STARD13: variants seen among roughly 807,000 people sequenced by gnomAD.
The protein encoded by STARD13 is stAR-related lipid transfer protein 13.
A neutral mutation model predicts 106.4 loss-of-function variants in STARD13; 62 were observed. The observed-to-expected ratio is 0.58, with a 90% CI of 0.48 to 0.72. STARD13 has a LOEUF of 0.72. STARD13 is among the 30% of genes least tolerant of loss of function. STARD13 has a pLI of 0.00. For missense variants in STARD13, 1,387 were observed against 1,424.0 expected, an observed-to-expected ratio of 0.97 and a Z score of 0.42; for synonymous variants, 565 against 553.0, an observed-to-expected ratio of 1.02 and a Z score of -0.31.
the STARD13 span, among the ~76,000 whole-genome samples, chr13:33,464,849 T>A: frequency 6.6e-6 from 1 of 151,964 alleles, no homozygotes; most frequent in East Asian, 1.9e-4. Context: ...AAAAAAAAAT[T>A]GTTGAACGCC....
intron 1 of STARD13, among the ~76,000 whole-genome samples, chr13:33,241,954 G>A (rs1320528597): frequency 2.6e-5 from 4 of 152,188 alleles, no homozygotes; most frequent in African/African-American, 9.7e-5. Flanking sequence ...CCTCTGTCCG[G>A]CCGCCACCCC....
the STARD13 span, among the ~76,000 whole-genome samples, chr13:33,376,228 T>C: frequency 6.6e-6 from 1 of 152,182 alleles, no homozygotes; most frequent in East Asian, 1.9e-4. Flanking sequence ...GATGAAGTGA[T>C]AGTCATTCAT....
the STARD13 span, among the ~76,000 whole-genome samples, chr13:33,480,626 G>A: frequency 1.3e-5 from 2 of 152,064 alleles, no homozygotes; most frequent in Non-Finnish European, 2.9e-5. Flanking sequence ...GTACACTGTA[G>A]TACTAAATTT....
At position 33,185,939 on chromosome 13, in the gene STARD13, G is replaced by C. The variant is rs778677497; in HGVS notation, c.170-18317C>G. ...GTTTCCCACCACAGACAGTGTCTTT[G>C]CATTCTCTGCACCAGCGCAGCACCA... is the stretch of plus-strand genomic sequence containing the variant. On this transcript the variant is annotated intron_variant, in intron 1 of 13. Transcript: ENST00000336934. 6 of 1,614,208 alleles carry C rather than the reference G, an allele frequency of 3.7e-6. No homozygotes were observed. The South Asian group carries it at 6.6e-5, about 18-fold the overall frequency.
the STARD13 span, among the ~76,000 whole-genome samples, chr13:33,646,010 G>A: frequency 6.6e-6 from 1 of 151,050 alleles, no homozygotes; most frequent in Admixed American, 6.6e-5. Context: ...CACGGACACA[G>A]GCTATTGTCA....
At chr13:33,561,321 A>T in the STARD13 span, among the ~76,000 whole-genome samples, 1 of 151,542 alleles carries the variant, frequency 6.6e-6, no homozygotes, top group Non-Finnish European at 1.5e-5. Context: ...TTATGGTCAC[A>T]CTAATAAAAA....
rs369187747 is a variant in STARD13 at position 33,212,034 on chromosome 13, TAAAC to T, written c.170-44416_170-44413del. 4.8e-3 allele frequency among the ~76,000 whole-genome samples: 731 copies of T among 152,258 alleles called. 7 individuals are homozygous for T. The highest frequency in any genetic ancestry group is 0.017 in the African/African-American group (701 of 41,554). ...ACAATATGTCTTGGAGATTTTCAAA[TAAAC>T]AAATAAGAAAGCTAATAACAAATTA... On this transcript the variant is annotated intron_variant, in intron 1 of 13. Coordinates refer to ENST00000336934, the MANE Select transcript of STARD13 (RefSeq NM_178006.4).
At chr13:33,429,363 G>A in the STARD13 span, among the ~76,000 whole-genome samples, 3 of 152,238 alleles carry the variant, frequency 2.0e-5, no homozygotes, top group South Asian at 2.1e-4. Flanking sequence ...TTGGGAGGCC[G>A]AGGCGGGCGG....
intron 1 of STARD13, among the ~76,000 whole-genome samples, chr13:33,271,763 G>A (rs1438379764): frequency 6.6e-6 from 1 of 151,998 alleles, no homozygotes; most frequent in Non-Finnish European, 1.5e-5. Context: ...CCAGCAACAT[G>A]AGGGGTTGGT....
intron 3 of STARD13, among the ~76,000 whole-genome samples, chr13:33,145,422 T>C (rs1880390453): frequency 6.6e-6 from 1 of 152,222 alleles, no homozygotes. Context: ...AGTTTGGCAG[T>C]CTCTTATGAA....
the STARD13 span, among the ~76,000 whole-genome samples, chr13:33,385,268 A>C: frequency 8.8e-6 from 1 of 113,604 alleles, no homozygotes; most frequent in African/African-American, 3.0e-5. Context: ...TGTAGAAAAC[A>C]GAAAGGGAAA....
chr13:33,439,758 A>C, the STARD13 span: 10 of 1,086,748 alleles, frequency 9.2e-6, no homozygotes, highest in South Asian at 5.4e-5. Flanking sequence ...TAATATCTCA[A>C]AATTATACCA....
chr13:33,441,347 T>C, the STARD13 span, among the ~76,000 whole-genome samples: 10 of 152,226 alleles, frequency 6.6e-5, no homozygotes, highest in Non-Finnish European at 1.3e-4. Context: ...AAAATCAATG[T>C]GATCACTTCA....
At chr13:33,269,649 A>C (rs1392877770) in intron 1 of STARD13, among the ~76,000 whole-genome samples, 1 of 152,362 alleles carries the variant, frequency 6.6e-6, no homozygotes, top group African/African-American at 2.4e-5. Flanking sequence ...AGAGTCCCTC[A>C]GTCTATGGCA....
chr13:33,285,512 G>A lies in STARD13; in HGVS notation c.127C>T (p.Arg43Trp), dbSNP rs1443252875. 1.2e-6 allele frequency: 2 copies of A among 1,613,854 alleles called. No individual in the cohort carries two copies. Among genetic ancestry groups the A allele is most frequent in the African/African-American group, 1.3e-5 (1 of 74,906 alleles). ...TTRRSPYRMS[R>W]ILARHQLVTK... ...ACTAGCTGATGGCGTGCTAGAATCC[G>A]GCTCATCCTGTAAGGAGAGCGTCTT... The change falls in exon 1 of 14, where the codon CGG (arginine) becomes TGG (tryptophan). Residue 43 changes from arginine to tryptophan, a missense_variant. Arg to Trp is a moderately radical substitution (Grantham distance 101). Transcript: ENST00000336934.
chr13:33,580,871 C>T, the STARD13 span, among the ~76,000 whole-genome samples: 2 of 151,852 alleles, frequency 1.3e-5, no homozygotes, highest in East Asian at 3.9e-4. Context: ...CAGGAAAATA[C>T]AAAAAAGTAT....
At chr13:33,115,464 C>G (rs1875225868) in intron 8 of STARD13, among the ~76,000 whole-genome samples, 2 of 152,342 alleles carry the variant, frequency 1.3e-5, no homozygotes, top group South Asian at 4.1e-4. Flanking sequence ...GTCAATGACA[C>G]TGTGCTGATG....
the STARD13 span, among the ~76,000 whole-genome samples, chr13:33,399,043 A>T: frequency 6.6e-6 from 1 of 152,226 alleles, no homozygotes; most frequent in Non-Finnish European, 1.5e-5. Flanking sequence ...ATCCATAGAA[A>T]AAAGTATTTC....
the STARD13 span, among the ~76,000 whole-genome samples, chr13:33,517,479 A>C: frequency 6.6e-6 from 1 of 152,198 alleles, no homozygotes; most frequent in Non-Finnish European, 1.5e-5. Flanking sequence ...ACAGGGGCAG[A>C]ATGTTCACAG....
Sources: gnomAD v4.1 joint callset for allele counts (sites outside exome capture counted in the v4.1 genomes callset) on GRCh38, gnomAD v4.1.1 for gene constraint, MANE v1.5 for transcripts, NCBI Gene and HGNC (gene_info 2026-07-23, HGNC 2026-07-21) for gene names.